ZNF420: variants seen among roughly 807,000 people sequenced by gnomAD.
The protein encoded by ZNF420 is zinc finger protein 420, also known as ATM and p53-associated KZNF protein.
In ZNF420, 31 loss-of-function variants were observed where a neutral mutation model predicts 44.7. The ratio of observed to expected loss-of-function variants is 0.69; its 90% CI spans 0.52 to 0.94. The LOEUF (loss-of-function observed/expected upper bound fraction) is 0.94, where lower values mean the gene tolerates loss of function less well. ZNF420 is among the 40% of genes least tolerant of loss of function. The probability of loss-of-function intolerance (pLI) is 0.00; values close to 1 mark genes in which losing one functional copy is unlikely to be tolerated. For missense variants in ZNF420, 681 were observed against 827.9 expected (o/e 0.82, Z 2.18); for synonymous variants, 245 against 267.4 (o/e 0.92, Z 0.82).
intron 1 of ZNF420, among the ~76,000 whole-genome samples, chr19:37,051,150 G>A (rs529383976): frequency 6.8e-4 from 103 of 152,030 alleles, no homozygotes; most frequent in South Asian, 4.2e-4. Context: ...TTTTTGCATC[G>A]ATGTTCATCA....
At position 37,127,396 on chromosome 19, in the gene ZNF420, T is replaced by A. The variant is rs779863906; in HGVS notation, c.405T>A (p.Thr135=). The A allele has an allele frequency of 1.2e-6, 2 of 1,613,944 alleles. No individual in the cohort carries two copies. Among genetic ancestry groups the A allele is most frequent in the Non-Finnish European group, 1.7e-6 (2 of 1,179,868 alleles). The change falls in exon 5 of 5, where the codon ACT becomes ACA. Residue 135 remains threonine, a synonymous_variant. Coordinates refer to ENST00000337995, the MANE Select transcript of ZNF420 (RefSeq NM_144689.5). ...YLSQHSRCHS[T]EKPYKCKECG... is the part of the protein sequence containing the mutation. The stretch of plus-strand genomic sequence containing the variant: ...CTCAACATTCAAGATGTCATTCTAC[T>A]GAGAAACCCTATAAATGTAAGGAAT...
intron 1 of ZNF420, among the ~76,000 whole-genome samples, chr19:37,047,574 C>G (rs923218737): frequency 2.6e-5 from 4 of 152,158 alleles, no homozygotes; most frequent in Non-Finnish European, 5.9e-5. Context: ...GGCATAGTGC[C>G]TCGTCATTTT....
At chr19:37,111,342 C>T (rs1460796062) in intron 4 of ZNF420, among the ~76,000 whole-genome samples, 1 of 152,200 alleles carries the variant, frequency 6.6e-6, no homozygotes, top group South Asian at 2.1e-4. Flanking sequence ...TTTGACATGG[C>T]ATAAGTAGGA....
intron 4 of ZNF420, among the ~76,000 whole-genome samples, chr19:37,093,556 A>G (rs896029592): frequency 6.6e-6 from 1 of 152,128 alleles, no homozygotes; most frequent in Non-Finnish European, 1.5e-5. Context: ...GCACGAAGCT[A>G]TTCATGAGGG....
chr19:37,116,650 C>T (rs546751003), intron 4 of ZNF420, among the ~76,000 whole-genome samples: 24 of 152,218 alleles, frequency 1.6e-4, no homozygotes, highest in African/African-American at 4.6e-4. Flanking sequence ...CGAAGCAGGG[C>T]GAGGCATTAC....
chr19:37,059,923 G>A (rs997345169), intron 1 of ZNF420, among the ~76,000 whole-genome samples: 2 of 152,040 alleles, frequency 1.3e-5, no homozygotes, highest in African/African-American at 4.8e-5. Context: ...CTGTATGTGT[G>A]TGTGCCCATG....
At chr19:37,041,048 G>T (rs1043196256) in intron 1 of ZNF420, among the ~76,000 whole-genome samples, 1 of 151,990 alleles carries the variant, frequency 6.6e-6, no homozygotes, top group Non-Finnish European at 1.5e-5. Context: ...TCCCAGCCGG[G>T]CATGGTGGCT....
chr19:37,014,757 T>C (rs2146373675), intron 1 of ZNF420, among the ~76,000 whole-genome samples: 1 of 152,264 alleles, frequency 6.6e-6, no homozygotes, highest in East Asian at 1.9e-4. Flanking sequence ...TGGGCACGGG[T>C]CCCAGAGGCT....
chr19:37,022,246 TTTC>T (rs2074655591), intron 1 of ZNF420, among the ~76,000 whole-genome samples: 2 of 151,438 alleles, frequency 1.3e-5, no homozygotes, highest in African/African-American at 4.8e-5. Flanking sequence ...TTTAAAAACT[TTTC>T]TATATATTTA....
intron 1 of ZNF420, among the ~76,000 whole-genome samples, chr19:37,035,174 T>C (rs922329753): frequency 2.2e-4 from 33 of 152,288 alleles, no homozygotes; most frequent in Non-Finnish European, 2.1e-4. Flanking sequence ...GTTCAAATAA[T>C]GCAACTGCCC....
intron 1 of ZNF420, among the ~76,000 whole-genome samples, chr19:37,049,131 G>A (rs1967594706): frequency 6.6e-6 from 1 of 152,082 alleles, no homozygotes; most frequent in South Asian, 2.1e-4. Context: ...GGACATTTGG[G>A]TTGGTTCCAA....
intron 1 of ZNF420, among the ~76,000 whole-genome samples, chr19:37,043,314 G>C (rs552154014): frequency 6.6e-6 from 1 of 152,266 alleles, no homozygotes; most frequent in African/African-American, 2.4e-5. Flanking sequence ...AAAGAATAAA[G>C]GGACAAATCG....
intron 4 of ZNF420, chr19:37,091,354 A>G (rs1315588458): frequency 3.4e-6 from 1 of 293,938 alleles, no homozygotes; most frequent in Non-Finnish European, 6.2e-6. Flanking sequence ...ACAAAGGGCT[A>G]GATTTGAAGT....
chr19:37,079,976 A>G (rs1256469022), intron 1 of ZNF420, among the ~76,000 whole-genome samples: 3 of 152,150 alleles, frequency 2.0e-5, no homozygotes, highest in African/African-American at 7.2e-5. Context: ...CCTGGGCAAC[A>G]AGAGTGAAAC....
Position 37,091,111 on chromosome 19 carries a change from G to GGTATC in ZNF420, c.127_131dup (p.Leu45TyrfsTer3). ...TGATGTTGGAGAACTATAGCAACTT[G>GGTATC]GTATCACTAGGTAAGGAATCTAGCC... On this transcript the variant is annotated frameshift_variant, in exon 4 of 5. Coordinates refer to ENST00000337995, the MANE Select transcript of ZNF420 (RefSeq NM_144689.5). LOFTEE classifies it low-confidence loss of function (END_TRUNC). The GGTATC allele has an allele frequency of 6.3e-7, 1 of 1,583,926 alleles. No individual in the cohort carries two copies. The highest frequency in any genetic ancestry group is 8.6e-7 in the Non-Finnish European group (1 of 1,166,506).
In ZNF420 at chr19:37,010,796, C is replaced by G. The variant is rs1438342141; in HGVS notation, c.-125+2714C>G. ...GGAGGAACTGAAATTTCATCTCCAT[C>G]CTGAGCGGCCTCTTTTCTAGGATCA... On this transcript the variant is annotated intron_variant, in intron 1 of 4. Transcript: ENST00000587029. Among the ~76,000 whole-genome samples, 2 of 152,112 alleles carry G rather than the reference C, an allele frequency of 1.3e-5. 1 individual carries two copies. The highest frequency in any genetic ancestry group is 4.1e-4 in the South Asian group (2 of 4,828).
At chr19:37,070,014 G>A (rs150623501) in intron 1 of ZNF420, among the ~76,000 whole-genome samples, 26 of 152,152 alleles carry the variant, frequency 1.7e-4, no homozygotes, top group African/African-American at 6.0e-4. Flanking sequence ...AGATTTTTGT[G>A]TTATATCCCA....
upstream of ZNF420, among the ~76,000 whole-genome samples, chr19:37,077,316 A>G (rs1232248253): frequency 6.6e-6 from 1 of 152,196 alleles, no homozygotes; most frequent in Non-Finnish European, 1.5e-5. Context: ...CTTCTTATGT[A>G]TAACGTTGTT....
chr19:37,061,338 G>A (rs1255255150), intron 1 of ZNF420, among the ~76,000 whole-genome samples: 1 of 152,186 alleles, frequency 6.6e-6, no homozygotes, highest in African/African-American at 2.4e-5. Flanking sequence ...TAGAGTAACT[G>A]GGTAAAGATA....
Sources: allele counts gnomAD v4.1 joint callset (sites outside exome capture counted in the v4.1 genomes callset), GRCh38; gene constraint gnomAD v4.1.1; transcripts MANE v1.5; gene names NCBI Gene and HGNC (gene_info 2026-07-23, HGNC 2026-07-21).